MRAP2: variants seen among roughly 807,000 people sequenced by gnomAD.
MRAP2 encodes melanocortin 2 receptor accessory protein 2.
A neutral mutation model predicts 17.4 loss-of-function variants in MRAP2; 20 were observed. The observed-to-expected ratio is 1.15, with a 90% CI of 0.81 to 1.67. The LOEUF (loss-of-function observed/expected upper bound fraction) is 1.67, where lower values mean the gene tolerates loss of function less well. MRAP2 is among the 40% of genes most tolerant of loss of function. MRAP2 has a pLI of 0.00. For missense variants in MRAP2, 238 were observed against 240.0 expected (o/e 0.99, Z 0.05); for synonymous variants, 96 against 88.4 (o/e 1.09, Z -0.48).
chr6:84,063,197 G>A, intron 3 of MRAP2: 1 of 985,306 alleles, frequency 1.0e-6, no homozygotes, highest in Non-Finnish European at 1.2e-6. Context: ...ATTTTCAAGT[G>A]GACTTTTATG....
chr6:84,044,138 C>T (rs1363038325), intron 1 of MRAP2, among the ~76,000 whole-genome samples: 1 of 152,138 alleles, frequency 6.6e-6, no homozygotes, highest in Non-Finnish European at 1.5e-5. Context: ...CCTCGGGCTG[C>T]CATAACAAAA....
the MRAP2 span, among the ~76,000 whole-genome samples, chr6:84,121,662 C>T: frequency 5.9e-5 from 9 of 152,042 alleles, no homozygotes; most frequent in South Asian, 1.7e-3. Flanking sequence ...ACAAAAACTG[C>T]ACAAGTACAT....
chr6:84,056,667 A>G (rs2099491790), intron 2 of MRAP2, among the ~76,000 whole-genome samples: 1 of 152,168 alleles, frequency 6.6e-6, no homozygotes, highest in African/African-American at 2.4e-5. Context: ...TGTAAGGACA[A>G]TTGCTTGTTC....
chr6:84,070,273 G>A (rs1305501220), intron 3 of MRAP2, among the ~76,000 whole-genome samples: 4 of 152,132 alleles, frequency 2.6e-5, no homozygotes, highest in Admixed American at 2.6e-4. Flanking sequence ...CTGTATCCCA[G>A]AAGTTTTGAT....
At chr6:84,126,689 C>CT in the MRAP2 span, among the ~76,000 whole-genome samples, 1 of 152,172 alleles carries the variant, frequency 6.6e-6, no homozygotes, top group African/African-American at 2.4e-5. Flanking sequence ...CCTCCTAACT[C>CT]TGAGTTGACC....
chr6:84,105,693 C>T, the MRAP2 span, among the ~76,000 whole-genome samples: 1 of 152,102 alleles, frequency 6.6e-6, no homozygotes, highest in African/African-American at 2.4e-5. Flanking sequence ...TCCAATTTCC[C>T]CTTGGCAGCC....
intron 1 of MRAP2, among the ~76,000 whole-genome samples, chr6:84,052,383 G>T (rs750389565): frequency 7.9e-5 from 12 of 152,160 alleles, no homozygotes; most frequent in Non-Finnish European, 8.8e-5. Context: ...GACTCTGGGG[G>T]CTGCTACTTG....
the MRAP2 span, among the ~76,000 whole-genome samples, chr6:84,135,507 T>A: frequency 6.6e-6 from 1 of 152,188 alleles, no homozygotes. Flanking sequence ...TGGTGAGTAA[T>A]CTTAGAAACT....
downstream of MRAP2, among the ~76,000 whole-genome samples, chr6:84,092,223 C>T (rs1202462825): frequency 6.6e-6 from 1 of 152,166 alleles, no homozygotes; most frequent in Non-Finnish European, 1.5e-5. Flanking sequence ...TTCATTTAAT[C>T]ACATCTGTAA....
At chr6:84,144,212 C>T in the MRAP2 span, among the ~76,000 whole-genome samples, 9 of 152,006 alleles carry the variant, frequency 5.9e-5, no homozygotes, top group Admixed American at 3.9e-4. Context: ...GCTTATTTGA[C>T]GTGATAAATT....
At chr6:84,047,958 T>C (rs1479393220) in intron 1 of MRAP2, among the ~76,000 whole-genome samples, 1 of 152,242 alleles carries the variant, frequency 6.6e-6, no homozygotes, top group Non-Finnish European at 1.5e-5. Context: ...CAGAACTTCA[T>C]TGCTTTTTAA....
chr6:84,134,078 G>C, the MRAP2 span, among the ~76,000 whole-genome samples: 3 of 152,238 alleles, frequency 2.0e-5, no homozygotes, highest in African/African-American at 7.2e-5. Context: ...ATCTAGAGAG[G>C]CATTCCGGCT....
chr6:84,131,860 ATG>A, the MRAP2 span, among the ~76,000 whole-genome samples: 1 of 152,108 alleles, frequency 6.6e-6, no homozygotes, highest in African/African-American at 2.4e-5. Flanking sequence ...TAATATTGTT[ATG>A]TGTGAATTTG....
chr6:84,143,809 A>G, the MRAP2 span, among the ~76,000 whole-genome samples: 4 of 151,998 alleles, frequency 2.6e-5, no homozygotes, highest in African/African-American at 9.7e-5. Context: ...TCTGCTCTTG[A>G]TAAGAGATTA....
the MRAP2 span, among the ~76,000 whole-genome samples, chr6:84,139,289 A>G: frequency 1.3e-5 from 2 of 152,178 alleles, no homozygotes; most frequent in Non-Finnish European, 2.9e-5. Flanking sequence ...TTTGTAGCCT[A>G]AAAACGACTT....
the MRAP2 span, among the ~76,000 whole-genome samples, chr6:84,145,508 C>T: frequency 6.6e-6 from 1 of 152,084 alleles, no homozygotes; most frequent in Non-Finnish European, 1.5e-5. Context: ...GAGAAAAATA[C>T]TGTGCTTCAT....
the MRAP2 span, among the ~76,000 whole-genome samples, chr6:84,144,437 A>C: frequency 6.6e-6 from 1 of 152,006 alleles, no homozygotes; most frequent in Non-Finnish European, 1.5e-5. Flanking sequence ...ATTATAATGA[A>C]CTCTCATCAG....
the MRAP2 span, among the ~76,000 whole-genome samples, chr6:84,131,599 C>G: frequency 2.0e-5 from 3 of 151,240 alleles, no homozygotes; most frequent in Non-Finnish European, 4.4e-5. Flanking sequence ...ACCATTATGG[C>G]CTTGTCTCTT....
chr6:84,080,278 C>T (rs947537542), intron 3 of MRAP2, among the ~76,000 whole-genome samples: 6 of 152,040 alleles, frequency 3.9e-5, no homozygotes, highest in East Asian at 1.9e-4. Context: ...CTTCGTGATC[C>T]GCCCGCCTCA....
Sources: gnomAD v4.1 joint callset for allele counts (sites outside exome capture counted in the v4.1 genomes callset) on GRCh38, gnomAD v4.1.1 for gene constraint, MANE v1.5 for transcripts, NCBI Gene and HGNC (gene_info 2026-07-23, HGNC 2026-07-21) for gene names.